Variants in PDE10A observed in about 807,000 individuals in gnomAD.
The protein encoded by PDE10A is phosphodiesterase 10A.
In PDE10A, 39 loss-of-function variants were observed where a neutral mutation model predicts 97.7. The ratio of observed to expected loss-of-function variants is 0.40; its 90% CI spans 0.31 to 0.52. The LOEUF (loss-of-function observed/expected upper bound fraction) is 0.52. Among genes scored for constraint, PDE10A ranks in the 20% least tolerant of loss-of-function variants. The pLI is 0.56. For missense variants in PDE10A, 731 were observed against 1,047.8 expected, an observed-to-expected ratio of 0.70 and a Z score of 4.17; for synonymous variants, 371 against 376.8, an observed-to-expected ratio of 0.98 and a Z score of 0.18.
intron 8 of PDE10A, among the ~76,000 whole-genome samples, chr6:165,430,923 T>C (rs912987364): frequency 1.3e-5 from 2 of 152,136 alleles, no homozygotes; most frequent in Non-Finnish European, 2.9e-5. Flanking sequence ...GAACGCTATA[T>C]TGCTACCATG....
chr6:165,855,768 T>C (rs905141712), intron 1 of PDE10A, among the ~76,000 whole-genome samples: 2 of 151,974 alleles, frequency 1.3e-5, no homozygotes, highest in African/African-American at 4.8e-5. Flanking sequence ...CCTTTGCAAT[T>C]TGAAAACATG....
chr6:165,596,240 G>T (rs1340305803), intron 1 of PDE10A, among the ~76,000 whole-genome samples: 1 of 152,144 alleles, frequency 6.6e-6, no homozygotes, highest in Non-Finnish European at 1.5e-5. Context: ...CCCTGAAAAA[G>T]TATCCGCAAT....
At chr6:165,458,576 G>T (rs955884215) in intron 3 of PDE10A, among the ~76,000 whole-genome samples, 5 of 151,992 alleles carry the variant, frequency 3.3e-5, no homozygotes, top group African/African-American at 1.2e-4. Context: ...GGACACTAAG[G>T]TTTACCAGTA....
At chr6:165,965,980 T>C (rs1784498827) in intron 1 of PDE10A, among the ~76,000 whole-genome samples, 1 of 152,276 alleles carries the variant, frequency 6.6e-6, no homozygotes. Flanking sequence ...CCTGTTCCAT[T>C]GTATTTAATA....
chr6:165,805,138 C>A, intron 1 of PDE10A, among the ~76,000 whole-genome samples: 1 of 138,146 alleles, frequency 7.2e-6, no homozygotes, highest in African/African-American at 2.7e-5. Flanking sequence ...CATGGAGGGA[C>A]GTGGGGCGCG....
At chr6:165,966,037 C>G (rs2128499548) in intron 1 of PDE10A, among the ~76,000 whole-genome samples, 2 of 152,366 alleles carry the variant, frequency 1.3e-5, no homozygotes, top group Middle Eastern at 3.4e-3. Flanking sequence ...TCACTAAACA[C>G]CTCCACACAC....
At chr6:165,893,168 C>T (rs2128482679) in intron 1 of PDE10A, among the ~76,000 whole-genome samples, 1 of 152,350 alleles carries the variant, frequency 6.6e-6, no homozygotes, top group Middle Eastern at 3.4e-3. Context: ...CTTCACCCAG[C>T]CTCCTGAAAT....
rs534134615 is a variant in PDE10A at position 165,710,078 on chromosome 6, T to G, written c.-614-166510A>C. Among the ~76,000 whole-genome samples, 274 of 152,216 alleles carry G rather than the reference T, an allele frequency of 1.8e-3. 1 individual carries two copies. Among genetic ancestry groups the G allele is most frequent in the African/African-American group, 6.2e-3 (257 of 41,538 alleles). On this transcript the variant is annotated intron_variant, in intron 1 of 19. Coordinates refer to the PDE10A transcript ENST00000366882. ...TGCCTCAGTGCCTTGACGCCTGCTC[T>G]TCTCTCCACTGGACGCTCACTCGAA...
chr6:165,733,477 T>G (rs1433558694), intron 1 of PDE10A, among the ~76,000 whole-genome samples: 1 of 152,206 alleles, frequency 6.6e-6, no homozygotes, highest in Non-Finnish European at 1.5e-5. Flanking sequence ...ACTAACAAAG[T>G]AGCTACCACA....
intron 1 of PDE10A, among the ~76,000 whole-genome samples, chr6:165,853,430 C>A (rs1349519983): frequency 6.6e-6 from 1 of 152,208 alleles, no homozygotes; most frequent in Admixed American, 6.5e-5. Context: ...TCTATTAAAA[C>A]ACATCTGCTT....
chr6:165,701,800 T>C (rs1791585197), intron 1 of PDE10A, among the ~76,000 whole-genome samples: 1 of 152,108 alleles, frequency 6.6e-6, no homozygotes, highest in Non-Finnish European at 1.5e-5. Context: ...CATGTGTGTG[T>C]GTGTTTGCAT....
intron 1 of PDE10A, among the ~76,000 whole-genome samples, chr6:165,555,684 T>C (rs1387810001): frequency 1.3e-5 from 2 of 152,212 alleles, no homozygotes; most frequent in African/African-American, 4.8e-5. Context: ...GATGCTTATA[T>C]TGAGAAGTAT....
chr6:165,621,779 A>T (rs867109826), intron 1 of PDE10A, among the ~76,000 whole-genome samples: 12 of 151,814 alleles, frequency 7.9e-5, no homozygotes, highest in Admixed American at 2.0e-4. Context: ...AAAAAGAAGA[A>T]GAAGAAGAAA....
chr6:165,723,822 G>A (rs933908027), intron 1 of PDE10A, among the ~76,000 whole-genome samples: 1 of 150,932 alleles, frequency 6.6e-6, no homozygotes. Context: ...GGGAGGTATG[G>A]GAACAAACGA....
Position 165,646,483 on chromosome 6 carries a change from T to C in PDE10A, c.865+15464A>G, listed in dbSNP as rs1490169278. On this transcript the variant is annotated intron_variant, in intron 1 of 21. Coordinates refer to ENST00000539869, the MANE Select transcript of PDE10A (RefSeq NM_001385079.1). ...TTTACAGATGAGAAAATTAGAGTGCTGAGAAATTACACAGAGCTGAGATTT... is the reference window on the plus strand; with the variant it reads ...TTTACAGATGAGAAAATTAGAGTGCCGAGAAATTACACAGAGCTGAGATTT... 2.0e-5 allele frequency among the ~76,000 whole-genome samples: 3 copies of C among 152,246 alleles called. No homozygotes were observed. In the East Asian group the frequency reaches 5.8e-4, roughly 29 times the overall value.
chr6:165,436,488 C>T (rs1790026334), intron 5 of PDE10A, among the ~76,000 whole-genome samples: 1 of 152,102 alleles, frequency 6.6e-6, no homozygotes, highest in African/African-American at 2.4e-5. Context: ...AAAAGCAAAG[C>T]TTTGCTTTAA....
At chr6:165,765,416 C>T (rs181473219) in intron 1 of PDE10A, among the ~76,000 whole-genome samples, 555 of 152,374 alleles carry the variant, frequency 3.6e-3, no homozygotes, top group Non-Finnish European at 5.3e-3. Context: ...GGCTGCAGTC[C>T]CGAGACCTGC....
At chr6:165,504,595 T>C (rs1781084626) in intron 2 of PDE10A, among the ~76,000 whole-genome samples, 1 of 152,124 alleles carries the variant, frequency 6.6e-6, no homozygotes, top group Admixed American at 6.5e-5. Flanking sequence ...TACTGAACAC[T>C]GTGATTTGAA....
At chr6:165,975,492 A>G (rs1038107818) in intron 1 of PDE10A, among the ~76,000 whole-genome samples, 2 of 152,218 alleles carry the variant, frequency 1.3e-5, no homozygotes, top group East Asian at 3.9e-4. Flanking sequence ...ACATTCATTC[A>G]ACAAAAAGTT....
Sources: allele counts gnomAD v4.1 joint callset (sites outside exome capture counted in the v4.1 genomes callset), GRCh38; gene constraint gnomAD v4.1.1; transcripts MANE v1.5; gene names NCBI Gene and HGNC (gene_info 2026-07-23, HGNC 2026-07-21).